ARHGAP5: variants seen among roughly 807,000 people sequenced by gnomAD.
ARHGAP5 encodes Rho GTPase activating protein 5.
In ARHGAP5, 23 loss-of-function variants were observed where a neutral mutation model predicts 116.6. That is an observed-to-expected ratio of 0.20 (90% CI 0.14 to 0.28). The LOEUF (loss-of-function observed/expected upper bound fraction) is 0.28. ARHGAP5 is among the 10% of genes least tolerant of loss of function. ARHGAP5 has a pLI of 1.00. For synonymous variants in ARHGAP5, 574 were observed against 602.0 expected (o/e 0.95, Z 0.68); for missense variants, 1,405 against 1,774.8 (o/e 0.79, Z 3.74).
intron 3 of ARHGAP5, among the ~76,000 whole-genome samples, chr14:32,120,972 T>G (rs906006079): frequency 1.3e-5 from 2 of 151,948 alleles, no homozygotes; most frequent in Non-Finnish European, 2.9e-5. Flanking sequence ...ACATCATGTA[T>G]TTTGAAGATC....
intron 1 of ARHGAP5, among the ~76,000 whole-genome samples, chr14:32,083,959 A>G (rs537666573): frequency 9.8e-5 from 15 of 152,332 alleles, no homozygotes; most frequent in Non-Finnish European, 2.2e-4. Context: ...GATAGTAGCT[A>G]AGCACAGTAA....
At chr14:32,146,399 C>A in intron 4 of ARHGAP5, 59 bp downstream of exon 4, 2 of 1,239,134 alleles carry the variant, frequency 1.6e-6, no homozygotes, top group Non-Finnish European at 2.4e-6. Flanking sequence ...TGTTAGAATT[C>A]ATGGTGAGAA....
rs532848255 is a variant in ARHGAP5, at chr14:32,125,358, A to T, written c.3865+8071A>T. ...TATGTGTATATACATACATACATGC[A>T]CACACATTTTGCTTTTTCAATCGTT... On this transcript the variant is annotated intron_variant, in intron 3 of 6. Transcript: ENST00000345122. Among the ~76,000 whole-genome samples the T allele has an allele frequency of 4.6e-5, 7 of 152,288 alleles. No homozygotes were observed. The East Asian group carries it at 1.3e-3, about 29-fold the overall frequency.
At position 32,091,717 on chromosome 14, in the gene ARHGAP5, T is replaced by C. The variant is rs757026565; in HGVS notation, c.1048T>C (p.Leu350=). Residue 350 remains leucine, a synonymous_variant, in exon 2 of 7, where the codon TTG becomes CTG. Coordinates refer to ENST00000345122, the MANE Select transcript of ARHGAP5 (RefSeq NM_001030055.2). ...TTTACCAAGAGCTTTTAACACTCTT[T>C]TGCCAAATCTAGAAGAGATTGAACA... The part of the protein sequence containing the change: ...NTLPRAFNTL[L]PNLEEIEHLN... 6.2e-6 allele frequency: 10 copies of C among 1,611,516 alleles called. No individual in the cohort carries two copies. The highest frequency in any genetic ancestry group is 8.5e-6 in the Non-Finnish European group (10 of 1,179,162).
At chr14:32,140,705 C>A (rs1192234539) in intron 3 of ARHGAP5, among the ~76,000 whole-genome samples, 1 of 152,094 alleles carries the variant, frequency 6.6e-6, no homozygotes. Flanking sequence ...TTATTTCATG[C>A]CTTTAAAATT....
intron 3 of ARHGAP5, among the ~76,000 whole-genome samples, chr14:32,131,561 GTTTGTT>G (rs1210798967): frequency 2.0e-5 from 3 of 151,946 alleles, no homozygotes; most frequent in African/African-American, 4.8e-5. Flanking sequence ...CTTTTTGTTT[GTTTGTT>G]TTTGTTTTTG....
chr14:32,136,509 T>C (rs2139117647), intron 3 of ARHGAP5, among the ~76,000 whole-genome samples: 1 of 152,352 alleles, frequency 6.6e-6, no homozygotes, highest in African/African-American at 2.4e-5. Flanking sequence ...CGTTTATTCA[T>C]TGACAAGTAT....
chr14:32,086,728 G>A lies in ARHGAP5; in HGVS notation c.-168-3774G>A, dbSNP rs181028350. ...TTTTTTTTCTTGATTTGCAAAGGAG[G>A]ATGCAGTGTTTGAATGGTCTAGTAA... On this transcript the variant is annotated intron_variant, in intron 1 of 6. Transcript: ENST00000345122. Among the ~76,000 whole-genome samples the A allele has an allele frequency of 2.7e-3, 417 of 151,756 alleles. 7 individuals are homozygous for A. The highest frequency in any genetic ancestry group is 9.7e-3 in the African/African-American group (399 of 41,274).
chr14:32,149,359 T>C (rs1338798034), intron 4 of ARHGAP5, among the ~76,000 whole-genome samples: 1 of 151,960 alleles, frequency 6.6e-6, no homozygotes, highest in Non-Finnish European at 1.5e-5. Flanking sequence ...AAAAAAAAGA[T>C]AGATATTAGT....
At chr14:32,089,742 A>G (rs777342682) in intron 1 of ARHGAP5, among the ~76,000 whole-genome samples, 3 of 151,858 alleles carry the variant, frequency 2.0e-5, no homozygotes, top group Non-Finnish European at 4.4e-5. Context: ...GGCAGTTTTA[A>G]GTTTCTTGAA....
intron 5 of ARHGAP5, among the ~76,000 whole-genome samples, chr14:32,151,542 G>A (rs1165690216): frequency 1.3e-5 from 2 of 152,248 alleles, no homozygotes; most frequent in Non-Finnish European, 2.9e-5. Flanking sequence ...TAAGCTGAGA[G>A]TCGTTTTTAC....
At position 32,092,746 on chromosome 14, in the gene ARHGAP5, A is replaced by G. The variant is rs1307384547; in HGVS notation, c.2077A>G (p.Asn693Asp). ...GATCAGAAAAGATAAATACATGGCT[A>G]ATCTTCCATTTACATTAATTCTGGC... The part of the protein sequence containing the change: ...SQIRKDKYMA[N>D]LPFTLILANQ... Residue 693 changes from asparagine (N) to aspartate (D), a missense_variant, in exon 2 of 7, where the codon AAT becomes GAT. Asn to Asp is a conservative substitution (Grantham distance 23, BLOSUM62 1). Around this residue, in one of 6 missense-constraint regions of ARHGAP5, gnomAD observed 944 missense variants for 1,095.3 expected, o/e 0.86. Coordinates refer to ENST00000345122, the MANE Select transcript of ARHGAP5 (RefSeq NM_001030055.2). This position sits in a 1 kb window ranked among gnomAD's most constrained non-coding sequence, Gnocchi z 4.1. 4 of 1,613,774 alleles carry G rather than the reference A, an allele frequency of 2.5e-6. No individual in the cohort carries two copies. Among genetic ancestry groups the G allele is most frequent in the Non-Finnish European group, 3.4e-6 (4 of 1,179,850 alleles).
chr14:32,147,806 T>C (rs1310326908), intron 4 of ARHGAP5, among the ~76,000 whole-genome samples: 1 of 152,172 alleles, frequency 6.6e-6, no homozygotes, highest in Non-Finnish European at 1.5e-5. Flanking sequence ...ACTGTGTGTA[T>C]ACAAAAACAC....
chr14:32,111,160 G>C (rs774215180), intron 2 of ARHGAP5, among the ~76,000 whole-genome samples: 1 of 152,164 alleles, frequency 6.6e-6, no homozygotes, highest in Non-Finnish European at 1.5e-5. Context: ...CCAGCACTTT[G>C]GGGGACCAAG....
intron 3 of ARHGAP5, among the ~76,000 whole-genome samples, chr14:32,120,681 T>G (rs2139078116): frequency 6.6e-6 from 1 of 152,014 alleles, no homozygotes; most frequent in Non-Finnish European, 1.5e-5. Context: ...ATCTTTTTTG[T>G]TCATTTCTAG....
intron 5 of ARHGAP5, 107 bp from the exon 6 acceptor site, chr14:32,152,316 G>A: frequency 1.3e-6 from 1 of 790,596 alleles, no homozygotes. Flanking sequence ...ATCCTAATAT[G>A]CTTTAAACAC....
In ARHGAP5 at chr14:32,152,587, G is replaced by A. The variant is rs1013290339; in HGVS notation, c.4181+59G>A. ...AAAATGCACTACACATTTCAAACAT[G>A]TAAATTTTATAAATTGGATAATTAT... On this transcript the variant is annotated intron_variant, in intron 6 of 6. Transcript: ENST00000345122. 7.8e-6 allele frequency: 7 copies of A among 899,896 alleles called. No homozygotes were observed. The Admixed American group carries it at 2.0e-4, about 26-fold the overall frequency. The allele number at this position is 899,896 out of a possible 1,614,324, so 55.7% of individuals were successfully genotyped here.
In ARHGAP5 at chr14:32,158,793, G is replaced by A. The variant is rs1031245143; in HGVS notation, c.*3845G>A. The A allele has an allele frequency of 6.6e-6, 1 of 151,976 alleles. No homozygotes were observed. Among genetic ancestry groups the A allele is most frequent in the African/African-American group, 2.4e-5 (1 of 41,426 alleles). 9.4% of individuals were successfully genotyped at this position (151,976 alleles called of 1,614,324 possible). On this transcript the variant is annotated 3_prime_UTR_variant, in exon 7 of 7. Transcript: ENST00000345122. Reference sequence around the variant, plus strand: ...CTATTCAAATCATTTTCTTAGGATAGCATCTTTACATACAATGAGAGGATT... The same window carrying A: ...CTATTCAAATCATTTTCTTAGGATAACATCTTTACATACAATGAGAGGATT...
chr14:32,124,157 T>G (rs995989652), intron 3 of ARHGAP5, among the ~76,000 whole-genome samples: 7 of 152,130 alleles, frequency 4.6e-5, no homozygotes, highest in Non-Finnish European at 1.0e-4. Flanking sequence ...AACTACCACC[T>G]CAAAACTCTC....
Sources: gnomAD v4.1 joint callset for allele counts (sites outside exome capture counted in the v4.1 genomes callset) on GRCh38, gnomAD v4.1.1 for gene constraint, gnomAD v4.1.1 regional missense constraint, Gnocchi (gnomAD v3.1) non-coding constraint, MANE v1.5 for transcripts, NCBI Gene and HGNC (gene_info 2026-07-23, HGNC 2026-07-21) for gene names.